Variants in SH3GL2 observed in about 807,000 individuals in gnomAD.
SH3GL2 encodes SH3 domain containing GRB2 like 2, endophilin A1.
A neutral mutation model predicts 46.0 loss-of-function variants in SH3GL2; 24 were observed. The observed-to-expected ratio is 0.52, with a 90% confidence interval of 0.38 to 0.73. SH3GL2 has a LOEUF of 0.73. Among genes scored for constraint, SH3GL2 ranks in the 30% least tolerant of loss-of-function variants. SH3GL2 has a pLI of 0.00. For synonymous variants in SH3GL2, 196 were observed against 147.1 expected, an observed-to-expected ratio of 1.33 and a Z score of -2.40; for missense variants, 413 against 424.2, an observed-to-expected ratio of 0.97 and a Z score of 0.23.
intron 1 of SH3GL2, among the ~76,000 whole-genome samples, chr9:17,614,555 G>T (rs1256424284): frequency 1.3e-5 from 2 of 152,124 alleles, no homozygotes; most frequent in Admixed American, 1.3e-4. Context: ...GGGGAAAAGG[G>T]CAGGCACCCA....
chr9:17,748,877 C>G (rs952637579), intron 2 of SH3GL2, among the ~76,000 whole-genome samples: 2 of 152,000 alleles, frequency 1.3e-5, no homozygotes, highest in African/African-American at 4.8e-5. Flanking sequence ...TTAGCAGAGC[C>G]TGGTAAAGGA....
chr9:17,794,586 C>G (rs1423254444), intron 8 of SH3GL2, among the ~76,000 whole-genome samples: 1 of 152,110 alleles, frequency 6.6e-6, no homozygotes, highest in South Asian at 2.1e-4. Flanking sequence ...GCTTCTTTCT[C>G]TAAATAAAAA....
intron 1 of SH3GL2, among the ~76,000 whole-genome samples, chr9:17,691,090 T>C (rs952715300): frequency 5.3e-5 from 8 of 152,320 alleles, no homozygotes; most frequent in African/African-American, 1.9e-4. Flanking sequence ...CTTAGCATGC[T>C]AGGGTAAAGT....
At chr9:17,751,962 T>G (rs1374542692) in intron 2 of SH3GL2, among the ~76,000 whole-genome samples, 1 of 152,184 alleles carries the variant, frequency 6.6e-6, no homozygotes, top group African/African-American at 2.4e-5. Flanking sequence ...TCCTCTGAGT[T>G]ACATGTTTGC....
At chr9:17,751,477 TGC>T (rs1308668925) in intron 2 of SH3GL2, among the ~76,000 whole-genome samples, 1 of 132,680 alleles carries the variant, frequency 7.5e-6, no homozygotes, top group East Asian at 2.0e-4. Flanking sequence ...TTTTTGTGTG[TGC>T]GTGTGTGTGT....
intron 3 of SH3GL2, 77 bp from the exon 4 acceptor site, chr9:17,786,304 A>G: frequency 7.2e-7 from 1 of 1,387,560 alleles, no homozygotes; most frequent in Non-Finnish European, 9.9e-7. Context: ...CTGCTCTGAG[A>G]CCTGATCCTC....
chr9:17,642,298 A>C (rs1819704774), intron 1 of SH3GL2, among the ~76,000 whole-genome samples: 1 of 152,056 alleles, frequency 6.6e-6, no homozygotes, highest in African/African-American at 2.4e-5. Flanking sequence ...ATTTTCTCCC[A>C]TTCTGTAGGT....
intron 1 of SH3GL2, among the ~76,000 whole-genome samples, chr9:17,584,315 G>A (rs1288366573): frequency 6.6e-6 from 1 of 152,070 alleles, no homozygotes; most frequent in Non-Finnish European, 1.5e-5. Flanking sequence ...GGCTTTGCCA[G>A]TGCAGTGAAA....
intron 1 of SH3GL2, among the ~76,000 whole-genome samples, chr9:17,712,907 A>G (rs1307978291): frequency 1.4e-5 from 2 of 138,968 alleles, no homozygotes; most frequent in African/African-American, 5.4e-5. Context: ...ACAATGTCCA[A>G]TAGAAATAGT....
chr9:17,637,971 A>G (rs1819580299), intron 1 of SH3GL2, among the ~76,000 whole-genome samples: 3 of 152,074 alleles, frequency 2.0e-5, no homozygotes, highest in African/African-American at 7.2e-5. Context: ...CCTGGCTAAC[A>G]CAGTGAAACC....
chr9:17,774,522 CT>C, intron 3 of SH3GL2, among the ~76,000 whole-genome samples: 1 of 150,524 alleles, frequency 6.6e-6, no homozygotes, highest in East Asian at 1.9e-4. Flanking sequence ...ACACTTATTC[CT>C]GCATCAATTG....
intron 1 of SH3GL2, among the ~76,000 whole-genome samples, chr9:17,619,479 A>G (rs1176038937): frequency 6.6e-6 from 1 of 152,138 alleles, no homozygotes; most frequent in African/African-American, 2.4e-5. Context: ...GGAGTTCAAG[A>G]CCAGCCTGAC....
chr9:17,687,468 C>G (rs375033907), intron 1 of SH3GL2, among the ~76,000 whole-genome samples: 1 of 151,628 alleles, frequency 6.6e-6, no homozygotes, highest in East Asian at 1.9e-4. Flanking sequence ...TAACAGGGTA[C>G]ATAGGTTCAA....
intron 1 of SH3GL2, among the ~76,000 whole-genome samples, chr9:17,603,278 A>G (rs192410152): frequency 1.8e-3 from 274 of 152,328 alleles, no homozygotes; most frequent in Middle Eastern, 0.014. Flanking sequence ...GAGCAACCCA[A>G]GTGTCTGTGG....
At chr9:17,651,357 AT>A (rs143470029) in intron 1 of SH3GL2, among the ~76,000 whole-genome samples, 1,977 of 152,244 alleles carry the variant, frequency 0.013, 63 homozygotes, top group African/African-American at 0.045. Context: ...TTCTTTCTGC[AT>A]TTATTTAGGG....
intron 1 of SH3GL2, among the ~76,000 whole-genome samples, chr9:17,678,244 C>T: frequency 6.6e-6 from 1 of 151,940 alleles, no homozygotes; most frequent in Non-Finnish European, 1.5e-5. Flanking sequence ...AGTTTACAGT[C>T]CCACCAACAG....
intron 1 of SH3GL2, among the ~76,000 whole-genome samples, chr9:17,588,478 A>C (rs1189010568): frequency 6.6e-6 from 1 of 152,242 alleles, no homozygotes; most frequent in Non-Finnish European, 1.5e-5. Context: ...AGGAAAAATC[A>C]GAGAGATTGG....
chr9:17,793,348 A>G lies in SH3GL2; in HGVS notation c.729-19A>G. ...TAACTGGTTACATAACCTTTCCACC[A>G]CTTTTCTTTTTACTGCAGAATAAGA... On this transcript the variant is annotated intron_variant, in intron 7 of 8. Coordinates refer to ENST00000380607, the MANE Select transcript of SH3GL2 (RefSeq NM_003026.5). The G allele has an allele frequency of 6.2e-7, 1 of 1,601,946 alleles. No homozygotes were observed. Among genetic ancestry groups the G allele is most frequent in the Non-Finnish European group, 8.5e-7 (1 of 1,174,764 alleles).
At chr9:17,606,020 T>C (rs1818753642) in intron 1 of SH3GL2, among the ~76,000 whole-genome samples, 1 of 152,196 alleles carries the variant, frequency 6.6e-6, no homozygotes, top group Non-Finnish European at 1.5e-5. Context: ...ATGGCTTATT[T>C]TTTTCAAGTA....
Sources: gnomAD v4.1 joint callset for allele counts (sites outside exome capture counted in the v4.1 genomes callset) on GRCh38, gnomAD v4.1.1 for gene constraint, MANE v1.5 for transcripts, NCBI Gene and HGNC (gene_info 2026-07-23, HGNC 2026-07-21) for gene names.